Variants in LRRTM4 observed in about 807,000 individuals in gnomAD.
LRRTM4 encodes leucine-rich repeat transmembrane neuronal protein 4.
LRRTM4 carries 25 observed loss-of-function variants against 47.6 expected under a neutral mutation model. The observed-to-expected ratio is 0.53, with a 90% CI of 0.38 to 0.73. The LOEUF is 0.73. Among genes scored for constraint, LRRTM4 ranks in the 30% least tolerant of loss-of-function variants. LRRTM4 has a pLI of 0.00. For missense variants in LRRTM4, 638 were observed against 713.4 expected, an observed-to-expected ratio of 0.89 and a Z score of 1.20; for synonymous variants, 311 against 269.5, an observed-to-expected ratio of 1.15 and a Z score of -1.51.
rs750635157 is a variant in LRRTM4, at chr2:77,518,438, C to A, written c.1431G>T (p.Met477Ile). 3 of 1,613,190 alleles carry A rather than the reference C, an allele frequency of 1.9e-6. 1 individual carries two copies. In the South Asian group the frequency reaches 3.3e-5, roughly 18 times the overall value. The part of the protein sequence containing the change: ...RKKARESERQ[M>I]NSPLQEYYVD... ...CATAATACTCCTGTAAAGGGGAATT[C>A]ATTTGTCTTTCAGACTCTCTGGCCT... Residue 477 changes from methionine to isoleucine, a missense_variant, in exon 3 of 4, where the codon ATG becomes ATT. Physicochemically the swap from Met to Ile is conservative, Grantham distance 10. Coordinates refer to ENST00000409884, the MANE Select transcript of LRRTM4 (RefSeq NM_001134745.3).
chr2:76,956,548 A>C (rs1675680911), intron 3 of LRRTM4, among the ~76,000 whole-genome samples: 1 of 151,468 alleles, frequency 6.6e-6, no homozygotes, highest in African/African-American at 2.4e-5. Context: ...TATACCTCAA[A>C]GAACTAGAAA....
chr2:76,753,025 G>GA (rs1417810591), intron 3 of LRRTM4, among the ~76,000 whole-genome samples: 18 of 152,244 alleles, frequency 1.2e-4, no homozygotes, highest in African/African-American at 4.3e-4. Flanking sequence ...AAATCACATA[G>GA]AGAAATATAT....
At position 76,859,282 on chromosome 2, in the gene LRRTM4, CT is replaced by C. The variant is rs969032609; in HGVS notation, c.1552-110367del. 5.9e-5 allele frequency among the ~76,000 whole-genome samples: 9 copies of C among 151,272 alleles called. No individual in the cohort carries two copies. In the South Asian group the frequency reaches 6.3e-4, roughly 11 times the overall value. Reference sequence around the variant, plus strand: ...TGTTTCTTTCTGTAAGTTATATATTCTTTTTTTTTCCTCAGTTCCCCATTTA... The same window carrying C: ...TGTTTCTTTCTGTAAGTTATATATTCTTTTTTTTCCTCAGTTCCCCATTTA... On this transcript the variant is annotated intron_variant, in intron 3 of 3. Coordinates refer to ENST00000409884, the MANE Select transcript of LRRTM4 (RefSeq NM_001134745.3).
At chr2:76,827,782 G>T (rs1475173206) in intron 3 of LRRTM4, among the ~76,000 whole-genome samples, 1 of 151,748 alleles carries the variant, frequency 6.6e-6, no homozygotes, top group Admixed American at 6.6e-5. Context: ...ACGTGCTTAT[G>T]GTTGTTTTCC....
chr2:77,051,490 A>C (rs1679430332), intron 3 of LRRTM4, among the ~76,000 whole-genome samples: 1 of 152,218 alleles, frequency 6.6e-6, no homozygotes, highest in African/African-American at 2.4e-5. Context: ...GAAAGCTTTT[A>C]GAATCAAGAA....
intron 3 of LRRTM4, among the ~76,000 whole-genome samples, chr2:77,213,722 G>A (rs1204938563): frequency 1.3e-5 from 2 of 152,106 alleles, no homozygotes; most frequent in Admixed American, 6.5e-5. Flanking sequence ...GAGCTAATGG[G>A]ATAGGTTACA....
chr2:77,167,460 C>G (rs944358589), intron 3 of LRRTM4, among the ~76,000 whole-genome samples: 3 of 152,034 alleles, frequency 2.0e-5, no homozygotes, highest in Non-Finnish European at 2.9e-5. Flanking sequence ...GGGTATATAC[C>G]CAAAGGATTA....
intron 3 of LRRTM4, among the ~76,000 whole-genome samples, chr2:76,772,113 G>A (rs1673737514): frequency 6.6e-6 from 1 of 152,112 alleles, no homozygotes; most frequent in African/African-American, 2.4e-5. Flanking sequence ...AAGACCTTTG[G>A]GAGGTAATTA....
chr2:76,930,061 A>C (rs1206612804), intron 3 of LRRTM4, among the ~76,000 whole-genome samples: 1 of 152,056 alleles, frequency 6.6e-6, no homozygotes, highest in Non-Finnish European at 1.5e-5. Context: ...TCTCTGCAGA[A>C]AGATTGGAGA....
intron 3 of LRRTM4, among the ~76,000 whole-genome samples, chr2:76,803,172 G>T (rs534265494): frequency 2.0e-5 from 3 of 152,076 alleles, no homozygotes; most frequent in South Asian, 2.1e-4. Context: ...CAATCTCCAG[G>T]ATAAAAGTAT....
intron 3 of LRRTM4, among the ~76,000 whole-genome samples, chr2:77,148,695 G>T (rs1017158970): frequency 1.3e-5 from 2 of 152,162 alleles, no homozygotes; most frequent in African/African-American, 4.8e-5. Context: ...ATTGATTGTA[G>T]AAAGCAGTTT....
At chr2:77,268,745 C>T (rs1406805969) in intron 3 of LRRTM4, among the ~76,000 whole-genome samples, 1 of 152,128 alleles carries the variant, frequency 6.6e-6, no homozygotes, top group African/African-American at 2.4e-5. Flanking sequence ...CTTCTCCCTA[C>T]CTTTCTGTAT....
intron 3 of LRRTM4, among the ~76,000 whole-genome samples, chr2:77,212,472 TATAGAGAG>T (rs1370047686): frequency 3.5e-5 from 5 of 144,440 alleles, no homozygotes; most frequent in Non-Finnish European, 6.0e-5. Flanking sequence ...TATATATATA[TATAGAGAG>T]AGAGAGAGAG....
intron 3 of LRRTM4, among the ~76,000 whole-genome samples, chr2:77,031,453 T>C (rs773582127): frequency 6.6e-6 from 1 of 152,210 alleles, no homozygotes; most frequent in Non-Finnish European, 1.5e-5. Flanking sequence ...CCTAGGGCTG[T>C]TTATTAGTTA....
intron 3 of LRRTM4, among the ~76,000 whole-genome samples, chr2:76,950,935 G>T (rs796279740): frequency 6.6e-5 from 10 of 152,084 alleles, no homozygotes; most frequent in African/African-American, 1.9e-4. Context: ...ATGCATTCAC[G>T]TGCAGCCTGT....
intron 3 of LRRTM4, among the ~76,000 whole-genome samples, chr2:77,019,725 A>G (rs559730280): frequency 2.0e-5 from 3 of 152,250 alleles, no homozygotes; most frequent in African/African-American, 7.2e-5. Context: ...TTATAATAAC[A>G]TATTATTATA....
chr2:77,464,938 G>T (rs1269874801), intron 3 of LRRTM4, among the ~76,000 whole-genome samples: 1 of 151,994 alleles, frequency 6.6e-6, no homozygotes, highest in African/African-American at 2.4e-5. Flanking sequence ...GTGCCAATAA[G>T]CAAATAACAT....
At chr2:77,345,011 A>T (rs1401211775) in intron 3 of LRRTM4, among the ~76,000 whole-genome samples, 1 of 151,552 alleles carries the variant, frequency 6.6e-6, no homozygotes, top group East Asian at 1.9e-4. Flanking sequence ...GTTATTGATA[A>T]TATAATAATC....
intron 3 of LRRTM4, among the ~76,000 whole-genome samples, chr2:77,189,071 C>G (rs1468698317): frequency 6.6e-6 from 1 of 151,798 alleles, no homozygotes; most frequent in Admixed American, 6.6e-5. Context: ...TTATAATTTT[C>G]CAACAATTAA....
Sources: allele counts gnomAD v4.1 joint callset (sites outside exome capture counted in the v4.1 genomes callset), GRCh38; gene constraint gnomAD v4.1.1; transcripts MANE v1.5; gene names NCBI Gene and HGNC (gene_info 2026-07-23, HGNC 2026-07-21).